The following SCN7A variants were observed in gnomAD, a reference collection of about 807,000 sequenced individuals.
SCN7A encodes the protein sodium channel protein type 7 subunit alpha.
Under a neutral mutation model 155.2 loss-of-function variants are expected in SCN7A, and 138 were observed. The ratio of observed to expected loss-of-function variants is 0.89; its 90% CI spans 0.77 to 1.02. SCN7A has a LOEUF of 1.02. Ranked by LOEUF, SCN7A falls within the 50% of genes least tolerant of loss-of-function variation. SCN7A has a pLI of 0.00. For missense variants in SCN7A, 2,058 were observed against 1,986.6 expected, an observed-to-expected ratio of 1.04 and a Z score of -0.68; for synonymous variants, 693 against 649.0, an observed-to-expected ratio of 1.07 and a Z score of -1.03.
intron 2 of SCN7A, among the ~76,000 whole-genome samples, chr2:166,485,066 A>G (rs982076261): frequency 1.3e-5 from 2 of 152,158 alleles, no homozygotes; most frequent in South Asian, 4.1e-4. Context: ...AAAATAATCA[A>G]TGAACTACTA....
chr2:166,476,713 A>G (rs1016264006), intron 3 of SCN7A, among the ~76,000 whole-genome samples: 4 of 151,938 alleles, frequency 2.6e-5, no homozygotes, highest in African/African-American at 9.7e-5. Flanking sequence ...ATCTCACCTC[A>G]TATCTCGTAA....
chr2:166,408,544 T>C (rs979810234), intron 25 of SCN7A, among the ~76,000 whole-genome samples: 1 of 152,048 alleles, frequency 6.6e-6, no homozygotes, highest in African/African-American at 2.4e-5. Context: ...TTCAGTCTCA[T>C]AGGACCCTAA....
intron 9 of SCN7A, among the ~76,000 whole-genome samples, chr2:166,464,152 ATATATACACATATG>A (rs1233174255): frequency 2.1e-5 from 3 of 145,984 alleles, no homozygotes; most frequent in African/African-American, 7.8e-5. Context: ...ATATACACAT[ATATATACACATATG>A]TGTGTATATA....
At chr2:166,473,985 A>T in intron 4 of SCN7A, 97 bp from the exon 5 acceptor site, 1 of 649,572 alleles carries the variant, frequency 1.5e-6, no homozygotes, top group Non-Finnish European at 2.5e-6. Flanking sequence ...TATTAATCTT[A>T]TTGAACAACA....
chr2:166,493,255 T>C (rs1683155226), intron 1 of SCN7A, among the ~76,000 whole-genome samples: 3 of 152,208 alleles, frequency 2.0e-5, no homozygotes, highest in African/African-American at 7.2e-5. Context: ...GAACCCATCA[T>C]TTTCGTTAAT....
At chr2:166,448,523 A>G (rs906086245) in intron 11 of SCN7A, among the ~76,000 whole-genome samples, 1 of 152,028 alleles carries the variant, frequency 6.6e-6, no homozygotes, top group Non-Finnish European at 1.5e-5. Context: ...TTTTTGAGGA[A>G]CCTCCATACT....
At chr2:166,489,868 T>C (rs1203534725) in intron 1 of SCN7A, among the ~76,000 whole-genome samples, 1 of 152,164 alleles carries the variant, frequency 6.6e-6, no homozygotes, top group Non-Finnish European at 1.5e-5. Flanking sequence ...TATGTTATCT[T>C]GCAAAAGAAA....
chr2:166,474,825 T>C (rs955975713), intron 3 of SCN7A, among the ~76,000 whole-genome samples: 40 of 151,526 alleles, frequency 2.6e-4, no homozygotes, highest in Admixed American at 1.3e-4. Flanking sequence ...CAATTGTCTA[T>C]GAAATAAAAC....
intron 21 of SCN7A, among the ~76,000 whole-genome samples, chr2:166,416,391 G>T (rs1701377505): frequency 6.6e-6 from 1 of 152,006 alleles, no homozygotes; most frequent in Non-Finnish European, 1.5e-5. Flanking sequence ...AAACTTGCTG[G>T]CTTTAAGGCT....
At position 166,410,914 on chromosome 2, in the gene SCN7A, G is replaced by A. The variant is rs552630502; in HGVS notation, c.3607-590C>T. Among the ~76,000 whole-genome samples the A allele has an allele frequency of 2.6e-5, 4 of 151,958 alleles. No homozygotes were observed. The East Asian group carries it at 5.8e-4, about 22-fold the overall frequency. ...ATATATGTGAAGTGAATAATGTCAC[G>A]TCCTAGGAATTAGGAATTGTTACTG... is the stretch of plus-strand genomic sequence containing the variant. On this transcript the variant is annotated intron_variant, in intron 23 of 25. Coordinates refer to ENST00000643258, the MANE Select transcript of SCN7A (RefSeq NM_002976.4).
At chr2:166,475,104 G>GTGTATATATATATATACATATATACGTA in intron 3 of SCN7A, among the ~76,000 whole-genome samples, 1 of 86,020 alleles carries the variant, frequency 1.2e-5, no homozygotes, top group South Asian at 3.4e-4. Flanking sequence ...ACATATATAT[G>GTGTATATATATATATACATATATACGTA]TATATATATA....
intron 2 of SCN7A, among the ~76,000 whole-genome samples, chr2:166,484,838 A>C (rs1354245480): frequency 1.3e-5 from 2 of 152,038 alleles, no homozygotes; most frequent in African/African-American, 4.8e-5. Context: ...TACAGCAAAA[A>C]TACTCTTCAA....
At chr2:166,467,727 TTCC>T (rs1314528230) in intron 7 of SCN7A, among the ~76,000 whole-genome samples, 3 of 151,734 alleles carry the variant, frequency 2.0e-5, no homozygotes, top group African/African-American at 7.2e-5. Flanking sequence ...CTGGTATAAC[TTCC>T]TCCTCCTTTT....
In SCN7A at chr2:166,475,766, T is replaced by C. The variant is rs149817811; in HGVS notation, c.235-1422A>G. Among the ~76,000 whole-genome samples the C allele has an allele frequency of 1.2e-4, 18 of 152,096 alleles. 1 individual carries two copies. The highest frequency in any genetic ancestry group is 4.3e-4 in the African/African-American group (18 of 41,550). On this transcript the variant is annotated intron_variant, in intron 3 of 25. Coordinates refer to ENST00000643258, the MANE Select transcript of SCN7A (RefSeq NM_002976.4). Reference sequence around the variant, plus strand: ...CTGTTTTGTTAATTATAAAAGTATTTATTTTATGCCACTTTTAACAGAATA... The same window carrying C: ...CTGTTTTGTTAATTATAAAAGTATTCATTTTATGCCACTTTTAACAGAATA...
Position 166,479,763 on chromosome 2 carries a change from G to A in SCN7A, c.-14-2053C>T, listed in dbSNP as rs529979615. On this transcript the variant is annotated intron_variant, in intron 2 of 25. Transcript: ENST00000643258. ...TACAAGAACCAGTCACAAATGACTG[G>A]TTCAGTCATTTGTAATCAAAGACAG... Among the ~76,000 whole-genome samples the A allele has an allele frequency of 7.9e-5, 12 of 152,178 alleles. No homozygotes were observed. In the South Asian group the frequency reaches 1.7e-3, roughly 21 times the overall value.
chr2:166,405,967 T>C lies in SCN7A; in HGVS notation c.4662A>G (p.Pro1554=). ...CCAAAGCAATGAGCTGGCCCTTGTTTGGTTTTGCCATGAAAAGAGGAGGAT... is the reference window on the plus strand; with the variant it reads ...CCAAAGCAATGAGCTGGCCCTTGTTCGGTTTTGCCATGAAAAGAGGAGGAT... ...ALDPPLFMAK[P]NKGQLIALDL... Residue 1554 remains proline, a synonymous_variant, in exon 26 of 26, where the codon CCA becomes CCG. Transcript: ENST00000643258. The C allele has an allele frequency of 6.2e-7, 1 of 1,612,940 alleles. No homozygotes were observed. Among genetic ancestry groups the C allele is most frequent in the East Asian group, 2.2e-5 (1 of 44,856 alleles).
chr2:166,457,067 C>T lies in SCN7A; in HGVS notation c.1093G>A (p.Ala365Thr), dbSNP rs1702301015. ...PEVLYHQILY[A>T]SGKVYMIFFV... ...AATATCATGTAGACCTTCCCAGAAG[C>T]ATAAAGTATCTAAGGAAAGGTAGAA... The change falls in exon 11 of 26, where the codon GCT becomes ACT. Residue 365 changes from alanine (A) to threonine (T), a missense_variant. By Grantham distance (58) the Ala-to-Thr change is moderately conservative. Transcript: ENST00000643258. 2.5e-6 allele frequency: 4 copies of T among 1,601,550 alleles called. No individual in the cohort carries two copies. The South Asian group carries it at 3.4e-5, about 13-fold the overall frequency.
chr2:166,448,541 T>C (rs1702113621), intron 11 of SCN7A, among the ~76,000 whole-genome samples: 2 of 152,204 alleles, frequency 1.3e-5, no homozygotes, highest in African/African-American at 4.8e-5. Context: ...ACTGTTTCCA[T>C]AATGGCTGTA....
chr2:166,413,345 C>T (rs1267968175), intron 21 of SCN7A, among the ~76,000 whole-genome samples: 1 of 151,794 alleles, frequency 6.6e-6, no homozygotes, highest in Non-Finnish European at 1.5e-5. Flanking sequence ...GATAGCATGA[C>T]TAGAAAAAGA....
Sources: gnomAD v4.1 joint callset for allele counts (sites outside exome capture counted in the v4.1 genomes callset) on GRCh38, gnomAD v4.1.1 for gene constraint, MANE v1.5 for transcripts, NCBI Gene and HGNC (gene_info 2026-07-23, HGNC 2026-07-21) for gene names.